CYTIP: variants seen among roughly 807,000 people sequenced by gnomAD.
CYTIP encodes the protein cytohesin 1 interacting protein.
In CYTIP, 26 loss-of-function variants were observed where a neutral mutation model predicts 43.8. The observed-to-expected ratio is 0.59, with a 90% CI of 0.44 to 0.82. The LOEUF (loss-of-function observed/expected upper bound fraction) is 0.82, where lower values mean the gene tolerates loss of function less well. Among genes scored for constraint, CYTIP ranks in the 40% least tolerant of loss-of-function variants. CYTIP has a pLI of 0.00. For missense variants in CYTIP, 426 were observed against 443.1 expected, an observed-to-expected ratio of 0.96 and a Z score of 0.35; for synonymous variants, 162 against 162.9, an observed-to-expected ratio of 0.99 and a Z score of 0.04.
intron 3 of CYTIP, 128 bp from the exon 4 acceptor site, chr2:157,431,090 T>C (rs1315825674): frequency 1.4e-6 from 1 of 708,428 alleles, no homozygotes; most frequent in Non-Finnish European, 2.3e-6. Context: ...GGATTTCCAC[T>C]ATAAACTAAA....
intron 3 of CYTIP, among the ~76,000 whole-genome samples, chr2:157,432,740 T>A (rs774905749): frequency 6.6e-6 from 1 of 152,196 alleles, no homozygotes; most frequent in Non-Finnish European, 1.5e-5. Flanking sequence ...TCACACTGCA[T>A]GCACAATATG....
At chr2:157,431,073 G>A in intron 3 of CYTIP, 111 bp from the exon 4 acceptor site, 1 of 828,980 alleles carries the variant, frequency 1.2e-6, no homozygotes, top group Non-Finnish European at 1.8e-6. Context: ...TAAGTTCAAA[G>A]GACAAAGGAT....
chr2:157,429,560 T>A (rs1364718994), intron 5 of CYTIP, among the ~76,000 whole-genome samples: 2 of 152,192 alleles, frequency 1.3e-5, no homozygotes, highest in Non-Finnish European at 2.9e-5. Context: ...TATCTTCGTC[T>A]CTCCTGAGCC....
chr2:157,423,479 A>G (rs1685555972), intron 6 of CYTIP, among the ~76,000 whole-genome samples: 1 of 120,984 alleles, frequency 8.3e-6, no homozygotes, highest in Non-Finnish European at 1.9e-5. Flanking sequence ...AAAAAACCAG[A>G]AATCCTGAGT....
rs560199405 is a variant in CYTIP, at chr2:157,437,483, C to T, written c.175-2736G>A. Among the ~76,000 whole-genome samples the T allele has an allele frequency of 2.2e-4, 34 of 152,036 alleles. No individual in the cohort carries two copies. The South Asian group carries it at 6.6e-3, about 30-fold the overall frequency. ...TGGGAGGCCAAGGAGGGTGGATCAACTGAGCTCAGGAGTTCAAGATCAGCC... is the reference window on the plus strand; with the variant it reads ...TGGGAGGCCAAGGAGGGTGGATCAATTGAGCTCAGGAGTTCAAGATCAGCC... On this transcript the variant is annotated intron_variant, in intron 1 of 7. Coordinates refer to ENST00000264192, the MANE Select transcript of CYTIP (RefSeq NM_004288.5).
intron 1 of CYTIP, among the ~76,000 whole-genome samples, chr2:157,436,296 T>C (rs1685806297): frequency 6.6e-6 from 1 of 152,194 alleles, no homozygotes; most frequent in Non-Finnish European, 1.5e-5. Flanking sequence ...GGATAGGGAC[T>C]ATTCATCTAT....
rs1558935675 is a variant in CYTIP at position 157,415,375 on chromosome 2, A to C, written c.*302T>G. The C allele has an allele frequency of 4.0e-6, 1 of 247,430 alleles. No homozygotes were observed. Among genetic ancestry groups the C allele is most frequent in the Non-Finnish European group, 7.9e-6 (1 of 125,888 alleles). 15.3% of individuals were successfully genotyped at this position (247,430 alleles called of 1,614,324 possible). On this transcript the variant is annotated 3_prime_UTR_variant, in exon 8 of 8. Coordinates refer to ENST00000264192, the MANE Select transcript of CYTIP (RefSeq NM_004288.5). ...AAGTTCTCAATTATTCACAGGGATA[A>C]TCTAGAAAATAAATATTAGTTTTGC...
chr2:157,420,567 C>T (rs1685506623), intron 6 of CYTIP, among the ~76,000 whole-genome samples: 1 of 145,320 alleles, frequency 6.9e-6, no homozygotes, highest in African/African-American at 2.6e-5. Flanking sequence ...AGAAGGATCA[C>T]TTAAGCCTGG....
chr2:157,438,928 A>T (rs1217263010), intron 1 of CYTIP: 1 of 428,462 alleles, frequency 2.3e-6, no homozygotes, highest in Non-Finnish European at 5.0e-6. Context: ...GAACTTCAAG[A>T]TTTCATCCAA....
At chr2:157,434,636 A>G in intron 2 of CYTIP, 62 bp downstream of exon 2, 2 of 1,281,692 alleles carry the variant, frequency 1.6e-6, no homozygotes, top group Non-Finnish European at 2.3e-6. Flanking sequence ...AGGAAAAAAC[A>G]GTCTGGAGAG....
At position 157,427,339 on chromosome 2, in the gene CYTIP, A is replaced by G; in HGVS notation, c.546+12T>C. The G allele has an allele frequency of 6.2e-7, 1 of 1,600,272 alleles. No individual in the cohort carries two copies. On this transcript the variant is annotated intron_variant, in intron 6 of 7. Coordinates refer to ENST00000264192, the MANE Select transcript of CYTIP (RefSeq NM_004288.5). ...GATGAAAAATGTGCCTCACTGCATT[A>G]AATTAAATTACCTTTAAAACCTGCA...
intron 1 of CYTIP, among the ~76,000 whole-genome samples, chr2:157,442,922 C>T (rs533282950): frequency 1.5e-4 from 23 of 151,904 alleles, no homozygotes; most frequent in African/African-American, 4.6e-4. Flanking sequence ...AATGCTACAT[C>T]GAAATTCAAA....
rs1298398545 is a variant in CYTIP, at chr2:157,443,960, C to G, written c.61G>C (p.Gly21Arg). The G allele has an allele frequency of 6.2e-7, 1 of 1,614,130 alleles. No individual in the cohort carries two copies. The highest frequency in any genetic ancestry group is 1.7e-5 in the Admixed American group (1 of 60,014). Residue 21 changes from glycine (G) to arginine (R), a missense_variant, in exon 1 of 8, where the codon GGG becomes CGG. By Grantham distance (125) the Gly-to-Arg change is moderately radical. Coordinates refer to ENST00000264192, the MANE Select transcript of CYTIP (RefSeq NM_004288.5). ...GTGGAGTAAGAGCTATACGCTGGCC[C>G]AGCGCAGAAGTCCGCCAAATTGCCA... ...SNGNLADFCAGPAYSSYSTLT... is the reference protein window; with the variant it reads ...SNGNLADFCARPAYSSYSTLT...
In CYTIP at chr2:157,415,836, G is replaced by T. The variant is rs1204165776; in HGVS notation, c.921C>A (p.Asn307Lys). The change falls in exon 8 of 8, where the codon AAC becomes AAA. Residue 307 changes from asparagine (N) to lysine (K), a missense_variant. Coordinates refer to ENST00000264192, the MANE Select transcript of CYTIP (RefSeq NM_004288.5). ...AGGGAGACATGGATCCGCTGCTGGT[G>T]TTACTGATGCTCCGGTTCCTCCTTG... ...SSSRRNRSISNTSSGSMSPLW... is the reference protein window; with the variant it reads ...SSSRRNRSISKTSSGSMSPLW... 4 of 1,614,096 alleles carry T rather than the reference G, an allele frequency of 2.5e-6. No individual in the cohort carries two copies. The highest frequency in any genetic ancestry group is 3.4e-6 in the Non-Finnish European group (4 of 1,180,042).
intron 1 of CYTIP, among the ~76,000 whole-genome samples, chr2:157,439,746 G>A (rs111264001): frequency 0.018 from 2,707 of 152,336 alleles, 32 homozygotes; most frequent in Non-Finnish European, 0.025. Flanking sequence ...AATAGACAAA[G>A]CTTCTTAACT....
At chr2:157,418,645 G>C (rs1440026737) in intron 6 of CYTIP, 56 bp from the exon 7 acceptor site, 2 of 1,457,448 alleles carry the variant, frequency 1.4e-6, no homozygotes, top group African/African-American at 2.9e-5. Flanking sequence ...CCCCAGTGAA[G>C]CTAGCAATTT....
chr2:157,422,143 A>G (rs1021308574), intron 6 of CYTIP, among the ~76,000 whole-genome samples: 2 of 152,176 alleles, frequency 1.3e-5, no homozygotes, highest in African/African-American at 4.8e-5. Context: ...CAAACAGCTC[A>G]CTGAGTCTTC....
Position 157,415,804 on chromosome 2 carries a change from T to C in CYTIP, c.953A>G (p.Glu318Gly). ...CCCAAACATGCTTGATAAGTTGCCC[T>C]CCCACAAGGGAGACATGGATCCGCT... ...TSSGSMSPLW[E>G]GNLSSMFGTL... The change falls in exon 8 of 8, where the codon GAG becomes GGG. Residue 318 changes from glutamate (E) to glycine (G), a missense_variant. Transcript: ENST00000264192. The C allele has an allele frequency of 6.2e-7, 1 of 1,614,188 alleles. No individual in the cohort carries two copies. The highest frequency in any genetic ancestry group is 8.5e-7 in the Non-Finnish European group (1 of 1,180,030).
At position 157,427,412 on chromosome 2, in the gene CYTIP, G is replaced by C. The variant is rs749639807; in HGVS notation, c.485C>G (p.Thr162Ser). ...RSSGNLLTIE[T>S]LNGTMILKRT... The stretch of plus-strand genomic sequence containing the variant: ...TTTCAGAATCATTGTTCCATTAAGA[G>C]TCTCTATCCTGTTTTAAGGAAAAAA... The change falls in exon 6 of 8, where the codon ACT (threonine) becomes AGT (serine). Residue 162 changes from threonine (T) to serine (S), a missense_variant. Physicochemically the swap from Thr to Ser is moderately conservative, Grantham distance 58. Coordinates refer to ENST00000264192, the MANE Select transcript of CYTIP (RefSeq NM_004288.5). 6.2e-7 allele frequency: 1 copy of C among 1,603,730 alleles called. No homozygotes were observed. Among genetic ancestry groups the C allele is most frequent in the Non-Finnish European group, 8.5e-7 (1 of 1,176,604 alleles).
Sources: gnomAD v4.1 joint callset for allele counts (sites outside exome capture counted in the v4.1 genomes callset) on GRCh38, gnomAD v4.1.1 for gene constraint, MANE v1.5 for transcripts, NCBI Gene and HGNC (gene_info 2026-07-23, HGNC 2026-07-21) for gene names.